The following GTF2IRD1 variants were observed in gnomAD, a reference collection of about 807,000 sequenced individuals.
The protein encoded by GTF2IRD1 is general transcription factor II-I repeat domain-containing protein 1.
A neutral mutation model predicts 113.2 loss-of-function variants in GTF2IRD1; 26 were observed. The observed-to-expected ratio is 0.23, with a 90% confidence interval of 0.17 to 0.32. The LOEUF (loss-of-function observed/expected upper bound fraction) is 0.32, where lower values mean the gene tolerates loss of function less well. GTF2IRD1 is among the 10% of genes least tolerant of loss of function. The pLI, the probability that GTF2IRD1 is intolerant of heterozygous loss-of-function variation, is 1.00. For synonymous variants in GTF2IRD1, 484 were observed against 529.1 expected, an observed-to-expected ratio of 0.91 and a Z score of 1.17; for missense variants, 864 against 1,280.8, an observed-to-expected ratio of 0.67 and a Z score of 4.97.
rs2130118214 is a variant in GTF2IRD1, at chr7:74,512,681, G to A, written c.124-149G>A. On this transcript the variant is annotated intron_variant, in intron 2 of 26. Transcript: ENST00000424337. The surrounding 1 kb of genome is among the most constrained non-coding windows in gnomAD (Gnocchi z 4.4). ...CATTCAGTCCCACTACAGAATCTGA[G>A]ACCAAGAACAGTAGAGGGGCCGTCT... 1.5e-6 allele frequency: 1 copy of A among 674,110 alleles called. No individual in the cohort carries two copies. Among genetic ancestry groups the A allele is most frequent in the Admixed American group, 2.9e-5 (1 of 34,788 alleles). The allele number at this position is 674,110 out of a possible 1,614,324, so 41.8% of individuals were successfully genotyped here. A position where few individuals can be genotyped will look rare whatever the true frequency, so the allele number is the denominator to read the frequency against.
chr7:74,601,882 T>G lies in GTF2IRD1; in HGVS notation c.2767-483T>G, dbSNP rs192136272. 2.2e-3 allele frequency: 373 copies of G among 165,784 alleles called. 2 individuals are homozygous for G. Among genetic ancestry groups the G allele is most frequent in the African/African-American group, 8.3e-3 (346 of 41,552 alleles). The allele number at this position is 165,784 out of a possible 1,614,324, so 10.3% of individuals were successfully genotyped here. ...CATTTGAGCCCAAGGGGATTGAGGC[T>G]GCAGTGAGCCAAGATCGTCCCATTG... is the stretch of plus-strand genomic sequence containing the variant. On this transcript the variant is annotated intron_variant, in intron 26 of 26. Transcript: ENST00000424337.
At chr7:74,527,971 T>G (rs1797703244) in intron 8 of GTF2IRD1, among the ~76,000 whole-genome samples, 1 of 152,218 alleles carries the variant, frequency 6.6e-6, no homozygotes, top group Non-Finnish European at 1.5e-5. Flanking sequence ...TTCTGTCTGC[T>G]TGGCTGTTGG....
intron 5 of GTF2IRD1, among the ~76,000 whole-genome samples, 191 bp downstream of exon 5, chr7:74,518,513 T>A (rs1224673805): frequency 1.3e-5 from 2 of 152,136 alleles, no homozygotes; most frequent in East Asian, 3.9e-4. Flanking sequence ...CTGAGCCAGG[T>A]CATTAAGCCT....
intron 8 of GTF2IRD1, among the ~76,000 whole-genome samples, chr7:74,528,036 C>A (rs1253526941): frequency 1.3e-5 from 2 of 152,046 alleles, no homozygotes; most frequent in Non-Finnish European, 2.9e-5. Context: ...GAATGAAGGG[C>A]GTGCCAAGCT....
chr7:74,547,916 G>T (rs1293826154), intron 17 of GTF2IRD1, among the ~76,000 whole-genome samples: 2 of 152,116 alleles, frequency 1.3e-5, no homozygotes, highest in Non-Finnish European at 2.9e-5. Flanking sequence ...TGCAGAATGG[G>T]AACGTCCCAT....
chr7:74,471,671 TTA>T (rs201103363), intron 1 of GTF2IRD1, among the ~76,000 whole-genome samples: 4,736 of 53,958 alleles, frequency 0.088, 242 homozygotes, highest in East Asian at 0.41. Context: ...TTTGAAATAT[TTA>T]AAAAAAAAAA....
chr7:74,466,238 G>A (rs1793698526), intron 1 of GTF2IRD1, among the ~76,000 whole-genome samples: 2 of 152,148 alleles, frequency 1.3e-5, no homozygotes, highest in African/African-American at 4.8e-5. Flanking sequence ...CTGCTTAGGG[G>A]ACGGGAGACA....
At chr7:74,594,935 G>T in intron 24 of GTF2IRD1, 79 bp from the exon 25 acceptor site, 1 of 986,468 alleles carries the variant, frequency 1.0e-6, no homozygotes. Context: ...CTGGGCAACC[G>T]AGTGAGACTC....
chr7:74,565,984 C>A (rs1006419430), intron 22 of GTF2IRD1, among the ~76,000 whole-genome samples: 1 of 145,874 alleles, frequency 6.9e-6, no homozygotes, highest in Non-Finnish European at 1.5e-5. Context: ...CAGAGTAAGA[C>A]CCTCTCTCTA....
At chr7:74,596,591 C>T (rs1163508416) in intron 25 of GTF2IRD1, among the ~76,000 whole-genome samples, 3 of 151,586 alleles carry the variant, frequency 2.0e-5, no homozygotes, top group Non-Finnish European at 2.9e-5. Flanking sequence ...TGCAGTGAGT[C>T]GAGATCACAC....
intron 1 of GTF2IRD1, among the ~76,000 whole-genome samples, chr7:74,476,138 C>A (rs1176409490): frequency 6.6e-6 from 1 of 152,142 alleles, no homozygotes; most frequent in African/African-American, 2.4e-5. Flanking sequence ...TGGACACTTA[C>A]AAGTCAACTA....
At chr7:74,593,044 A>T (rs1162725943) in intron 24 of GTF2IRD1, among the ~76,000 whole-genome samples, 1 of 151,464 alleles carries the variant, frequency 6.6e-6, no homozygotes, top group Non-Finnish European at 1.5e-5. Context: ...TTTTGTAGAG[A>T]CAGGTTTTCA....
intron 1 of GTF2IRD1, among the ~76,000 whole-genome samples, chr7:74,503,528 C>A (rs1554340073): frequency 1.3e-5 from 2 of 152,130 alleles, no homozygotes; most frequent in Non-Finnish European, 2.9e-5. Flanking sequence ...GTGGGCAGAT[C>A]ACTTGAGGTC....
chr7:74,535,197 C>T (rs1284335856), intron 10 of GTF2IRD1, 59 bp downstream of exon 10: 15 of 1,355,902 alleles, frequency 1.1e-5, no homozygotes, highest in Non-Finnish European at 1.6e-5. Context: ...CAACAGAACC[C>T]GAGCTGCCAC....
intron 1 of GTF2IRD1, among the ~76,000 whole-genome samples, chr7:74,477,747 G>A (rs185604974): frequency 0.019 from 2,835 of 151,842 alleles, 99 homozygotes; most frequent in African/African-American, 0.064. Context: ...GGTAGAGGTC[G>A]GGGAGTGAGC....
chr7:74,503,665 C>G (rs1192190854), intron 1 of GTF2IRD1, among the ~76,000 whole-genome samples: 1 of 152,158 alleles, frequency 6.6e-6, no homozygotes, highest in Admixed American at 6.5e-5. Context: ...AGGAGAATCA[C>G]TTGGACATGG....
chr7:74,549,750 T>C (rs1181288277), intron 17 of GTF2IRD1, among the ~76,000 whole-genome samples: 1 of 151,224 alleles, frequency 6.6e-6, no homozygotes, highest in Non-Finnish European at 1.5e-5. Context: ...AATACAAAAA[T>C]TAAGGCCGGG....
chr7:74,529,889 C>T lies in GTF2IRD1; in HGVS notation c.1246C>T (p.Arg416Cys), dbSNP rs1797858070. The T allele has an allele frequency of 1.9e-6, 3 of 1,613,776 alleles. No homozygotes were observed. Among genetic ancestry groups the T allele is most frequent in the Non-Finnish European group, 2.5e-6 (3 of 1,179,918 alleles). Residue 416 changes from arginine (R) to cysteine (C), a missense_variant, in exon 9 of 27, where the codon CGC (arginine) becomes TGC (cysteine). This residue lies in a region of GTF2IRD1 where 218 missense variants were observed against 352.6 expected (regional missense o/e 0.62). Coordinates refer to ENST00000424337, the MANE Select transcript of GTF2IRD1 (RefSeq NM_005685.4). ...VPKLKRILEE[R>C]HSIHFIIKRM... ...CAAGCTGAAGCGGATCCTGGAGGAGCGCCATAGTATCCACTTCATCATTAA... is the reference window on the plus strand; with the variant it reads ...CAAGCTGAAGCGGATCCTGGAGGAGTGCCATAGTATCCACTTCATCATTAA...
intron 1 of GTF2IRD1, among the ~76,000 whole-genome samples, chr7:74,464,473 G>T (rs1453289240): frequency 2.0e-5 from 3 of 152,072 alleles, no homozygotes; most frequent in Non-Finnish European, 4.4e-5. Flanking sequence ...TTGAAACAGA[G>T]TCTCCTTCTG....
Sources: allele counts gnomAD v4.1 joint callset (sites outside exome capture counted in the v4.1 genomes callset), GRCh38; gene constraint gnomAD v4.1.1; regional missense constraint gnomAD v4.1.1; non-coding constraint Gnocchi (gnomAD v3.1); transcripts MANE v1.5; gene names NCBI Gene and HGNC (gene_info 2026-07-23, HGNC 2026-07-21).